Variants in PARVB observed in about 807,000 individuals in gnomAD.
PARVB encodes the protein parvin beta.
Under a neutral mutation model 47.0 loss-of-function variants are expected in PARVB, and 46 were observed. The ratio of observed to expected loss-of-function variants is 0.98; its 90% confidence interval spans 0.77 to 1.25. PARVB has a LOEUF of 1.25. Among genes scored for constraint, PARVB ranks in the 50% most tolerant of loss-of-function variants. The pLI is 0.00. For missense variants in PARVB, 473 were observed against 471.6 expected (o/e 1.00, Z -0.03); for synonymous variants, 196 against 196.3 (o/e 1.00, Z 0.01).
At chr22:44,030,651 G>A (rs939199744) in intron 1 of PARVB, among the ~76,000 whole-genome samples, 11 of 152,150 alleles carry the variant, frequency 7.2e-5, no homozygotes, top group African/African-American at 2.2e-4. Flanking sequence ...AGGAGGTGGC[G>A]TGGGTGGGCG....
chr22:44,043,728 A>G (rs999300910), intron 1 of PARVB, among the ~76,000 whole-genome samples: 5 of 152,186 alleles, frequency 3.3e-5, no homozygotes, highest in South Asian at 2.1e-4. Context: ...TTCTGTCTCA[A>G]TAAAGCTGGT....
chr22:44,116,335 G>A (rs1358688194), intron 3 of PARVB: 4 of 152,226 alleles, frequency 2.6e-5, no homozygotes, highest in East Asian at 3.8e-4. Flanking sequence ...CGCTATTGGC[G>A]TCGGTCGTCA....
chr22:44,018,615 T>G (rs1257422604), intron 2 of PARVB, among the ~76,000 whole-genome samples: 1 of 152,164 alleles, frequency 6.6e-6, no homozygotes, highest in Admixed American at 6.5e-5. Flanking sequence ...TGACACTGCC[T>G]GGGTGTGTAG....
At chr22:44,030,441 G>A (rs745848684) in intron 1 of PARVB, among the ~76,000 whole-genome samples, 1 of 152,238 alleles carries the variant, frequency 6.6e-6, no homozygotes, top group Non-Finnish European at 1.5e-5. Flanking sequence ...CAGCCTGTGG[G>A]CTGTGGCCAG....
At chr22:44,124,038 C>T (rs2053132509) in intron 4 of PARVB, among the ~76,000 whole-genome samples, 1 of 152,254 alleles carries the variant, frequency 6.6e-6, no homozygotes, top group Non-Finnish European at 1.5e-5. Flanking sequence ...CCATCCACCC[C>T]AAGTCCCCTG....
At chr22:44,022,253 A>C (rs898365526), upstream of PARVB, among the ~76,000 whole-genome samples, 2 of 151,978 alleles carry the variant, frequency 1.3e-5, no homozygotes, top group African/African-American at 2.4e-5. Flanking sequence ...CAGCCCCAAG[A>C]CACCCCAGTG....
At chr22:43,999,882 C>T (rs532378388) in intron 2 of PARVB, among the ~76,000 whole-genome samples, 14 of 145,310 alleles carry the variant, frequency 9.6e-5, no homozygotes, top group Non-Finnish European at 1.8e-4. Flanking sequence ...TGGCATGCAT[C>T]TGTGGTCTCA....
chr22:44,062,644 A>G (rs2051441695), intron 1 of PARVB, among the ~76,000 whole-genome samples: 1 of 152,060 alleles, frequency 6.6e-6, no homozygotes, highest in African/African-American at 2.4e-5. Flanking sequence ...TCTGGAAAAA[A>G]AAAAAAAAGA....
intron 1 of PARVB, chr22:44,069,229 TC>T: frequency 7.0e-7 from 1 of 1,423,660 alleles, no homozygotes; most frequent in Non-Finnish European, 9.9e-7. Flanking sequence ...TCTTTTCTTT[TC>T]TGCTTTATGG....
intron 1 of PARVB, among the ~76,000 whole-genome samples, chr22:44,065,797 G>A (rs1253142490): frequency 2.0e-5 from 3 of 151,918 alleles, no homozygotes; most frequent in African/African-American, 7.3e-5. Context: ...AGGTTACTGC[G>A]AATATCATTA....
chr22:44,024,332 C>T lies in PARVB; in HGVS notation c.-8C>T. 2.9e-6 allele frequency: 3 copies of T among 1,050,940 alleles called. No homozygotes were observed. Among genetic ancestry groups the T allele is most frequent in the Middle Eastern group, 8.6e-4 (2 of 2,338 alleles). The allele number at this position is 1,050,940 out of a possible 1,614,324, so 65.1% of individuals were successfully genotyped here. A position where few individuals can be genotyped will look rare whatever the true frequency, so the allele number is the denominator to read the frequency against. On this transcript the variant is annotated 5_prime_UTR_variant, in exon 1 of 13. Transcript: ENST00000338758. The stretch of plus-strand genomic sequence containing the variant: ...CGCTGCGCCCGCCGCCGGCCCCACG[C>T]GCGGCCCATGTCCTCCGCGCCGCGC...
At chr22:44,101,166 T>A (rs2052434734) in intron 3 of PARVB, among the ~76,000 whole-genome samples, 1 of 151,978 alleles carries the variant, frequency 6.6e-6, no homozygotes, top group Non-Finnish European at 1.5e-5. Flanking sequence ...TCCCAGCACT[T>A]TGGGAGGCCG....
At chr22:44,060,801 G>A (rs2051404447) in intron 1 of PARVB, among the ~76,000 whole-genome samples, 1 of 151,884 alleles carries the variant, frequency 6.6e-6, no homozygotes, top group South Asian at 2.1e-4. Context: ...ATTCATGGTG[G>A]TTTTGATCTA....
intron 1 of PARVB, among the ~76,000 whole-genome samples, chr22:44,032,342 C>G (rs1028669949): frequency 6.6e-6 from 1 of 152,192 alleles, no homozygotes; most frequent in African/African-American, 2.4e-5. Context: ...CTTTTACCTC[C>G]TCTGATGTTC....
At chr22:44,018,007 G>T (rs1305091648) in intron 2 of PARVB, among the ~76,000 whole-genome samples, 1 of 152,102 alleles carries the variant, frequency 6.6e-6, no homozygotes, top group Admixed American at 6.6e-5. Context: ...TCTCAAAGAG[G>T]CCAGAGACCC....
At chr22:44,113,619 C>T (rs2052771849) in intron 3 of PARVB, 1 of 61,262 alleles carries the variant, frequency 1.6e-5, no homozygotes, top group Non-Finnish European at 3.1e-5. Context: ...TAACTAAGGC[C>T]CTGCACCAAC....
In PARVB at chr22:44,030,149, CA is replaced by C. The variant is rs1301816503; in HGVS notation, c.112+5699del. ...ACCAGTGAAGGGAGGGGAGCTGTGG[CA>C]GGGGGGCCTGCACTGCCCCCGCCTT... On this transcript the variant is annotated intron_variant, in intron 1 of 12. Transcript: ENST00000338758. Among the ~76,000 whole-genome samples the C allele has an allele frequency of 3.3e-5, 5 of 152,358 alleles. No homozygotes were observed. The East Asian group carries it at 9.7e-4, about 29-fold the overall frequency.
intron 4 of PARVB, among the ~76,000 whole-genome samples, chr22:44,121,946 T>A (rs1218377380): frequency 6.6e-6 from 1 of 152,200 alleles, no homozygotes; most frequent in Non-Finnish European, 1.5e-5. Flanking sequence ...GGTACAAGAT[T>A]TCTTTGCCAT....
At chr22:44,033,682 A>C (rs1316076135) in intron 1 of PARVB, among the ~76,000 whole-genome samples, 1 of 152,090 alleles carries the variant, frequency 6.6e-6, no homozygotes, top group Non-Finnish European at 1.5e-5. Flanking sequence ...CATCTTAGGA[A>C]TTTCTTTGCT....
Sources: allele counts gnomAD v4.1 joint callset (sites outside exome capture counted in the v4.1 genomes callset), GRCh38; gene constraint gnomAD v4.1.1; transcripts MANE v1.5; gene names NCBI Gene and HGNC (gene_info 2026-07-23, HGNC 2026-07-21).